Variants in WDR27 observed in about 807,000 individuals in gnomAD.
WDR27 encodes WD repeat domain 27.
A neutral mutation model predicts 114.4 loss-of-function variants in WDR27; 100 were observed. That is an observed-to-expected ratio of 0.87 (90% CI 0.74 to 1.03). The LOEUF is 1.03. Ranked by LOEUF, WDR27 falls within the 50% of genes least tolerant of loss-of-function variation. WDR27 has a pLI of 0.00. For synonymous variants in WDR27, 449 were observed against 423.1 expected (o/e 1.06, Z -0.75); for missense variants, 1,129 against 1,092.9 (o/e 1.03, Z -0.47).
chr6:169,633,375 A>C (rs894838520), intron 20 of WDR27, among the ~76,000 whole-genome samples: 35 of 152,206 alleles, frequency 2.3e-4, no homozygotes, highest in African/African-American at 8.0e-4. Context: ...TGAGATGTCC[A>C]TGAAACACCC....
At chr6:169,428,551 G>A in the WDR27 span, among the ~76,000 whole-genome samples, 1 of 137,506 alleles carries the variant, frequency 7.3e-6, no homozygotes, top group Non-Finnish European at 1.5e-5. Context: ...GGAAACCACG[G>A]GTTAAATCAA....
At chr6:169,625,366 T>C (rs2128205818) in intron 21 of WDR27, among the ~76,000 whole-genome samples, 1 of 152,254 alleles carries the variant, frequency 6.6e-6, no homozygotes, top group African/African-American at 2.4e-5. Context: ...GGAACAGCAG[T>C]GTAGACACAA....
rs1443135855 is a variant in WDR27 at position 169,647,881 on chromosome 6, G to A, written c.1560-11C>T. 1.3e-6 allele frequency: 2 copies of A among 1,539,192 alleles called. No homozygotes were observed. Among genetic ancestry groups the A allele is most frequent in the South Asian group, 1.2e-5 (1 of 80,938 alleles). ...ACGGGGTATGCCTCCCTGAGGGAAG[G>A]CCACAGGTAACGGTGATCGGGAGAC... On this transcript the variant is annotated splice_polypyrimidine_tract_variant and intron_variant, in intron 15 of 25. Transcript: ENST00000448612.
At chr6:169,503,135 G>A (rs1292221861) in intron 25 of WDR27, among the ~76,000 whole-genome samples, 1 of 152,158 alleles carries the variant, frequency 6.6e-6, no homozygotes, top group African/African-American at 2.4e-5. Flanking sequence ...GCAGAGTGAC[G>A]AGAAAGAGGC....
At chr6:169,445,255 T>A in the WDR27 span, among the ~76,000 whole-genome samples, 1 of 152,190 alleles carries the variant, frequency 6.6e-6, no homozygotes, top group Non-Finnish European at 1.5e-5. Context: ...CCTGAATAAA[T>A]TTAGAGCCCT....
At chr6:169,459,038 C>G (rs963975555) in intron 25 of WDR27, among the ~76,000 whole-genome samples, 2 of 151,950 alleles carry the variant, frequency 1.3e-5, no homozygotes, top group African/African-American at 2.4e-5. Flanking sequence ...GTCAAGTTTT[C>G]AATTAAAAGA....
At chr6:169,538,703 T>TACACACACACAC (rs10644528) in intron 25 of WDR27, among the ~76,000 whole-genome samples, 1,795 of 143,904 alleles carry the variant, frequency 0.012, 11 homozygotes, top group Admixed American at 0.021. Context: ...CATACTGGAA[T>TACACACACACAC]ACACACACAC....
chr6:169,435,802 ATGAGT>A, the WDR27 span, among the ~76,000 whole-genome samples: 45 of 152,288 alleles, frequency 3.0e-4, 1 homozygote, highest in African/African-American at 8.9e-4. Flanking sequence ...TAATACTGAA[ATGAGT>A]TAAGATTTTG....
In WDR27 at chr6:169,583,550, T is replaced by G. The variant is rs1236325747; in HGVS notation, c.2425-616A>C. Among the ~76,000 whole-genome samples the G allele has an allele frequency of 2.0e-5, 3 of 148,136 alleles. No homozygotes were observed. In the East Asian group the frequency reaches 6.2e-4, roughly 31 times the overall value. On this transcript the variant is annotated intron_variant, in intron 23 of 25. Coordinates refer to ENST00000448612, the MANE Select transcript of WDR27 (RefSeq NM_182552.5). ...ACACACACACACACACATAAAATTC[T>G]GGATATATATCCAGAATTGCCATCA...
At chr6:169,600,579 G>A (rs1355467780) in intron 23 of WDR27, among the ~76,000 whole-genome samples, 2 of 152,122 alleles carry the variant, frequency 1.3e-5, no homozygotes, top group South Asian at 2.1e-4. Flanking sequence ...AAAATTAGAC[G>A]AATGGCTAAC....
chr6:169,613,796 T>A (rs1811176222), intron 21 of WDR27, 140 bp from the exon 22 acceptor site: 2 of 733,616 alleles, frequency 2.7e-6, no homozygotes, highest in Non-Finnish European at 4.3e-6. Context: ...AATTTCAGAA[T>A]TGGACTCCAA....
At chr6:169,606,593 T>C (rs1029626729) in intron 22 of WDR27, among the ~76,000 whole-genome samples, 7 of 152,188 alleles carry the variant, frequency 4.6e-5, no homozygotes, top group African/African-American at 1.2e-4. Flanking sequence ...GTTAGTTTGC[T>C]GAGGATAATG....
At chr6:169,524,945 G>T (rs769186322) in intron 25 of WDR27, among the ~76,000 whole-genome samples, 1 of 152,066 alleles carries the variant, frequency 6.6e-6, no homozygotes, top group Non-Finnish European at 1.5e-5. Context: ...AAGACATCAA[G>T]GTAGAAAGCT....
intron 25 of WDR27, among the ~76,000 whole-genome samples, chr6:169,565,706 G>A (rs892198068): frequency 2.0e-5 from 3 of 152,192 alleles, no homozygotes; most frequent in Admixed American, 6.5e-5. Flanking sequence ...ATAGGGTCTC[G>A]CTCTGTTGCC....
chr6:169,623,997 G>A (rs1197147361), intron 21 of WDR27, among the ~76,000 whole-genome samples: 1 of 152,218 alleles, frequency 6.6e-6, no homozygotes, highest in African/African-American at 2.4e-5. Flanking sequence ...GTGAACACCA[G>A]ACACAGGATT....
At chr6:169,613,681 G>T in intron 21 of WDR27, 25 bp from the exon 22 acceptor site, 1 of 1,583,688 alleles carries the variant, frequency 6.3e-7, no homozygotes, top group Admixed American at 1.7e-5. Flanking sequence ...GGGAAATCAA[G>T]ATGTACTTTC....
chr6:169,644,058 C>G (rs1819860136), intron 16 of WDR27, among the ~76,000 whole-genome samples: 1 of 151,248 alleles, frequency 6.6e-6, no homozygotes, highest in Non-Finnish European at 1.5e-5. Flanking sequence ...TCATACGAGT[C>G]ACACTGTCGA....
intron 22 of WDR27, among the ~76,000 whole-genome samples, chr6:169,611,560 CCTCCCAAAG>C (rs1810536228): frequency 6.6e-6 from 1 of 152,160 alleles, no homozygotes; most frequent in African/African-American, 2.4e-5. Context: ...CCCACCTCGG[CCTCCCAAAG>C]CTAATATCAC....
chr6:169,525,087 T>C (rs1442768784), intron 25 of WDR27, among the ~76,000 whole-genome samples: 1 of 151,618 alleles, frequency 6.6e-6, no homozygotes, highest in Admixed American at 6.6e-5. Context: ...ATAGTAAAAA[T>C]AAAAAATTAA....
Sources: gnomAD v4.1 joint callset for allele counts (sites outside exome capture counted in the v4.1 genomes callset) on GRCh38, gnomAD v4.1.1 for gene constraint, MANE v1.5 for transcripts, NCBI Gene and HGNC (gene_info 2026-07-23, HGNC 2026-07-21) for gene names.